TRIOBP: variants seen among roughly 807,000 people sequenced by gnomAD.
The protein encoded by TRIOBP is TRIO and F-actin-binding protein.
Under a neutral mutation model 238.8 loss-of-function variants are expected in TRIOBP, and 169 were observed. The observed-to-expected ratio is 0.71, with a 90% CI of 0.62 to 0.80. The LOEUF is 0.80. TRIOBP is among the 30% of genes least tolerant of loss of function. The pLI is 0.00. For missense variants in TRIOBP, 2,838 were observed against 3,122.6 expected, an observed-to-expected ratio of 0.91 and a Z score of 2.17; for synonymous variants, 1,150 against 1,274.4, an observed-to-expected ratio of 0.90 and a Z score of 2.08.
rs757441651 is a variant in TRIOBP at position 37,710,479 on chromosome 22, G to A, written c.167G>A (p.Cys56Tyr). ...GTGCCCTACTGCGACCTGCCTCGAT[G>A]TCCACCTGCCCCTGAGGACCCACTC... ...AEVPYCDLPRCPPAPEDPLSA... is the reference protein window; with the variant it reads ...AEVPYCDLPRYPPAPEDPLSA... The change falls in exon 4 of 24, where the codon TGT becomes TAT. Residue 56 changes from cysteine (C) to tyrosine (Y), a missense_variant. Physicochemically the swap from Cys to Tyr is radical, Grantham distance 194 (BLOSUM62 -2). Transcript: ENST00000644935. 1.9e-6 allele frequency: 3 copies of A among 1,613,246 alleles called. No homozygotes were observed. The highest frequency in any genetic ancestry group is 1.1e-5 in the South Asian group (1 of 91,046).
intron 17 of TRIOBP, chr22:37,760,441 A>G (rs1477143669): frequency 2.0e-5 from 3 of 152,252 alleles, no homozygotes; most frequent in African/African-American, 7.2e-5. Context: ...ATGTCACACT[A>G]TTCACTAGGA....
chr22:37,766,852 T>C (rs1926521166), intron 18 of TRIOBP, among the ~76,000 whole-genome samples: 1 of 151,740 alleles, frequency 6.6e-6, no homozygotes, highest in African/African-American at 2.4e-5. Flanking sequence ...TCCCAGCTAC[T>C]CAGGAGGCTA....
At chr22:37,716,834 TGAA>T (rs1923546437) in intron 6 of TRIOBP, among the ~76,000 whole-genome samples, 1 of 152,160 alleles carries the variant, frequency 6.6e-6, no homozygotes, top group Admixed American at 6.6e-5. Context: ...AGGGAGGGGT[TGAA>T]GGATGAGAAA....
rs372125656 is a variant in TRIOBP at position 37,740,962 on chromosome 22, G to A, written c.5252G>A (p.Arg1751Gln). 1.9e-5 allele frequency: 29 copies of A among 1,562,854 alleles called. No individual in the cohort carries two copies. The highest frequency in any genetic ancestry group is 4.7e-5 in the East Asian group (2 of 42,470). ...AAGGGCCGACTGGTGACCTCATGGC[G>A]GATGCCCGGGGACCGGCCCACGCTG... Reference protein sequence around the residue: ...PLKGRLVTSWRMPGDRPTLFN... With the variant: ...PLKGRLVTSWQMPGDRPTLFN... Residue 1751 changes from arginine to glutamine, a missense_variant, in exon 11 of 24, where the codon CGG becomes CAG. This residue lies in a region of TRIOBP where 2,096 missense variants were observed against 2,137.4 expected (regional missense o/e 0.98). Coordinates refer to ENST00000644935, the MANE Select transcript of TRIOBP (RefSeq NM_001039141.3).
Position 37,754,972 on chromosome 22 carries a change from C to T in TRIOBP, c.5475C>T (p.Ser1825=). 6.2e-7 allele frequency: 1 copy of T among 1,614,054 alleles called. No homozygotes were observed. The highest frequency in any genetic ancestry group is 8.5e-7 in the Non-Finnish European group (1 of 1,179,956). ...CAAGTCTCAAATATTACAGAGACTC[C>T]ACTGCTGAGGAGGTGAGGCCATGGG... ...TDSSLKYYRD[S]TAEEADELDG... is the part of the protein sequence containing the mutation. Residue 1825 remains serine (S), a synonymous_variant, in exon 13 of 24, where the codon TCC becomes TCT. Coordinates refer to ENST00000644935, the MANE Select transcript of TRIOBP (RefSeq NM_001039141.3).
chr22:37,721,434 G>C (rs1001304137), intron 6 of TRIOBP, among the ~76,000 whole-genome samples: 1 of 152,230 alleles, frequency 6.6e-6, no homozygotes, highest in African/African-American at 2.4e-5. Context: ...TTAAGAAGGC[G>C]TGAAGGGAGG....
intron 22 of TRIOBP, among the ~76,000 whole-genome samples, chr22:37,772,303 G>T (rs979247453): frequency 6.6e-5 from 10 of 152,192 alleles, no homozygotes; most frequent in African/African-American, 1.4e-4. Flanking sequence ...CACAGGAAGG[G>T]CCCGAGCACC....
rs1043536746 is a variant in TRIOBP at position 37,731,458 on chromosome 22, A to G, written c.3948-1840A>G. Among the ~76,000 whole-genome samples the G allele has an allele frequency of 7.0e-4, 34 of 48,610 alleles. 1 individual carries two copies. Among genetic ancestry groups the G allele is most frequent in the Non-Finnish European group, 5.3e-4 (8 of 15,134 alleles). 31.9% of individuals were successfully genotyped at this position (48,610 alleles called of 152,430 possible). ...TACCTGGCCTCCCAACCCCATATAT[A>G]TATATATATATTTTTTGAGACAGGG... On this transcript the variant is annotated intron_variant, in intron 7 of 23. Transcript: ENST00000644935.
intron 6 of TRIOBP, among the ~76,000 whole-genome samples, chr22:37,717,958 C>T (rs1304237423): frequency 6.6e-6 from 1 of 152,200 alleles, no homozygotes; most frequent in East Asian, 1.9e-4. Flanking sequence ...TCAGGCATGG[C>T]GGGCTGCAGG....
chr22:37,708,247 C>CAAAAAAAAAAAAAAAAAAAAAAAA, intron 3 of TRIOBP, among the ~76,000 whole-genome samples: 1 of 85,256 alleles, frequency 1.2e-5, no homozygotes, highest in Non-Finnish European at 2.5e-5. Context: ...CTCCGTCTCA[C>CAAAAAAAAAAAAAAAAAAAAAAAA]AAAAAAAAAA....
chr22:37,759,954 A>T (rs1377797083), intron 17 of TRIOBP: 1 of 228,652 alleles, frequency 4.4e-6, no homozygotes, highest in Admixed American at 5.3e-5. Context: ...TTTATTGTGA[A>T]TTCCGTACAG....
chr22:37,712,419 C>T (rs1243191382), intron 4 of TRIOBP, among the ~76,000 whole-genome samples: 2 of 152,012 alleles, frequency 1.3e-5, no homozygotes, highest in Non-Finnish European at 2.9e-5. Flanking sequence ...GCAACCTCCA[C>T]CTCCTGGCTT....
At chr22:37,743,798 AGAATG>A in intron 11 of TRIOBP, among the ~76,000 whole-genome samples, 2 of 101,998 alleles carry the variant, frequency 2.0e-5, no homozygotes, top group Admixed American at 2.3e-4. Context: ...AAAGAGAGAG[AGAATG>A]TGTGTGTGTG....
chr22:37,713,246 TCCCACAGCTGCC>T lies in TRIOBP; in HGVS notation c.296_307del (p.Thr99_Pro102del), dbSNP rs761516413. 2.5e-6 allele frequency: 4 copies of T among 1,613,668 alleles called. No homozygotes were observed. In the African/African-American group the frequency reaches 4.0e-5, roughly 16 times the overall value. On this transcript the variant is annotated inframe_deletion, in exon 5 of 24. Transcript: ENST00000644935. ...CCTCAGCAGGGCTCCCAGAAGAGGG[TCCCACAGCTGCC>T]CCCAGGAGCAGGAGCCGGGAGCTTG...
intron 11 of TRIOBP, among the ~76,000 whole-genome samples, chr22:37,747,902 G>A (rs931342383): frequency 9.2e-5 from 14 of 152,198 alleles, no homozygotes; most frequent in African/African-American, 2.9e-4. Flanking sequence ...GGGGCAGCAC[G>A]TGCTGAGCAA....
At chr22:37,710,033 G>A (rs959635287) in intron 3 of TRIOBP, among the ~76,000 whole-genome samples, 1 of 152,152 alleles carries the variant, frequency 6.6e-6, no homozygotes, top group Non-Finnish European at 1.5e-5. Flanking sequence ...CTCGTTCTGG[G>A]GCGCACGCAC....
chr22:37,727,397 G>T (rs5756796), intron 7 of TRIOBP, among the ~76,000 whole-genome samples: 54,243 of 151,588 alleles, frequency 0.36, 10,812 homozygotes, highest in East Asian at 0.61. Flanking sequence ...GGCCGGGCAC[G>T]GTGGCTCATG....
chr22:37,750,865 C>T (rs1285395280), intron 11 of TRIOBP: 6 of 407,612 alleles, frequency 1.5e-5, no homozygotes, highest in Non-Finnish European at 3.1e-5. Flanking sequence ...CACCCGTTCT[C>T]TGCAGGCAAC....
At position 37,725,260 on chromosome 22, in the gene TRIOBP, A is replaced by G. The variant is rs1342562822; in HGVS notation, c.2704A>G (p.Lys902Glu). The change falls in exon 7 of 24, where the codon AAA becomes GAA. Residue 902 changes from lysine (K) to glutamate (E), a missense_variant. Transcript: ENST00000644935. ...GAATTCATCTCCCCATCGTACTAAC[A>G]AAGACATCCCCTGGGCCTCGTTTCC... ...PRNSSPHRTN[K>E]DIPWASFPLR... 1 of 1,614,012 alleles carries G rather than the reference A, an allele frequency of 6.2e-7. No homozygotes were observed. Among genetic ancestry groups the G allele is most frequent in the Non-Finnish European group, 8.5e-7 (1 of 1,180,018 alleles).
Sources: allele counts gnomAD v4.1 joint callset (sites outside exome capture counted in the v4.1 genomes callset), GRCh38; gene constraint gnomAD v4.1.1; regional missense constraint gnomAD v4.1.1; transcripts MANE v1.5; gene names NCBI Gene and HGNC (gene_info 2026-07-23, HGNC 2026-07-21).